SLC4A1: variants seen among roughly 807,000 people sequenced by gnomAD.
The protein encoded by SLC4A1 is band 3 anion transport protein.
Under a neutral mutation model 93.1 loss-of-function variants are expected in SLC4A1, and 29 were observed. That is an observed-to-expected ratio of 0.31 (90% CI 0.23 to 0.42). The LOEUF (loss-of-function observed/expected upper bound fraction) is 0.42. Among genes scored for constraint, SLC4A1 ranks in the 20% least tolerant of loss-of-function variants. The probability of loss-of-function intolerance (pLI) is 1.00; values close to 1 mark genes in which losing one functional copy is unlikely to be tolerated. For synonymous variants in SLC4A1, 469 were observed against 497.2 expected (o/e 0.94, Z 0.76); for missense variants, 965 against 1,190.1 (o/e 0.81, Z 2.78).
chr17:44,259,705 T>C (rs2047424588), intron 7 of SLC4A1, 104 bp downstream of exon 7: 19 of 1,572,768 alleles, frequency 1.2e-5, no homozygotes, highest in Non-Finnish European at 1.7e-5. Context: ...GGAGTGCTTC[T>C]GGTCCCCTGC....
chr17:44,265,050 C>G (rs2047484219), intron 1 of SLC4A1, among the ~76,000 whole-genome samples: 2 of 63,044 alleles, frequency 3.2e-5, no homozygotes, highest in Non-Finnish European at 2.9e-5. Context: ...GGAGGGGGTG[C>G]CGAGCACTGG....
chr17:44,258,064 T>C lies in SLC4A1; in HGVS notation c.1204A>G (p.Ser402Gly), dbSNP rs781401079. ...ATGACGGCAGCCAGGACCTGGGGGC[T>C]GAATGCATCTGTGATGTCACTCAGG... ...YYLSDITDAF[S>G]PQVLAAVIFI... Residue 402 changes from serine (S) to glycine (G), a missense_variant, in exon 11 of 20, where the codon AGC becomes GGC. Physicochemically the swap from Ser to Gly is moderately conservative, Grantham distance 56. Coordinates refer to ENST00000262418, the MANE Select transcript of SLC4A1 (RefSeq NM_000342.4). This position sits in a 1 kb window ranked among gnomAD's most constrained non-coding sequence, Gnocchi z 6.1. 1.7e-4 allele frequency: 274 copies of C among 1,613,946 alleles called. No homozygotes were observed. Among genetic ancestry groups the C allele is most frequent in the Non-Finnish European group, 2.2e-4 (256 of 1,180,032 alleles).
Position 44,259,338 on chromosome 17 carries a change from G to T in SLC4A1, c.701C>A (p.Ala234Asp). ...SEATLVLVGR[A>D]DFLEQPVLGF... ...CAGCACCGGCTGCTCCAGGAAGTCG[G>T]CGCGGCCTGTTAGGGGATGAGAAGA... Residue 234 changes from alanine (A) to aspartate (D), a missense_variant, in exon 9 of 20, where the codon GCC becomes GAC. This residue lies in a region of SLC4A1 where 770 missense variants were observed against 1,006.6 expected (regional missense o/e 0.76). Coordinates refer to ENST00000262418, the MANE Select transcript of SLC4A1 (RefSeq NM_000342.4). The T allele has an allele frequency of 6.2e-7, 1 of 1,613,588 alleles. No individual in the cohort carries two copies. The highest frequency in any genetic ancestry group is 8.5e-7 in the Non-Finnish European group (1 of 1,179,894).
At chr17:44,260,330 G>A in intron 6 of SLC4A1, 74 bp downstream of exon 6, 1 of 1,557,032 alleles carries the variant, frequency 6.4e-7, no homozygotes, top group Non-Finnish European at 8.7e-7. Context: ...GATCCCGGGG[G>A]AGAACTTGGG....
At chr17:44,256,198 T>TCATC (rs1219979414) in intron 13 of SLC4A1, among the ~76,000 whole-genome samples, 6 of 152,078 alleles carry the variant, frequency 3.9e-5, no homozygotes, top group Admixed American at 1.3e-4. Flanking sequence ...ATCCATCTAT[T>TCATC]CATCCATCCA....
At chr17:44,251,022 G>T (rs2047333630) in intron 19 of SLC4A1, 137 bp downstream of exon 19, 5 of 939,410 alleles carry the variant, frequency 5.3e-6, no homozygotes, top group Admixed American at 2.0e-5. Flanking sequence ...TCATATGCTA[G>T]GACACAGCAG....
Position 44,259,879 on chromosome 17 carries a change from C to T in SLC4A1, c.539G>A (p.Arg180His), listed in dbSNP as rs147390654. ...LGGVKPAVLTRSGDPSQPLLP... is the reference protein window; with the variant it reads ...LGGVKPAVLTHSGDPSQPLLP... ...CAGAGGCTGTGAAGGATCCCCAGAG[C>T]GTGTCAGGACTGCAGGCTTCACACC... Residue 180 changes from arginine to histidine, a missense_variant, in exon 7 of 20, where the codon CGC (arginine) becomes CAC (histidine). By Grantham distance (29) the Arg-to-His change is conservative (BLOSUM62 0). Around this residue, in one of 2 missense-constraint regions of SLC4A1, gnomAD observed 770 missense variants for 1,006.6 expected, o/e 0.76. Coordinates refer to ENST00000262418, the MANE Select transcript of SLC4A1 (RefSeq NM_000342.4). 4.6e-3 allele frequency: 7,442 copies of T among 1,614,046 alleles called. 28 individuals carry two copies. The highest frequency in any genetic ancestry group is 5.4e-3 in the Non-Finnish European group (6,391 of 1,180,000).
At position 44,249,162 on chromosome 17, in the gene SLC4A1, A is replaced by AC. The variant is rs1313950291; in HGVS notation, c.*1295dup. On this transcript the variant is annotated 3_prime_UTR_variant, in exon 20 of 20. Coordinates refer to ENST00000262418, the MANE Select transcript of SLC4A1 (RefSeq NM_000342.4). The stretch of plus-strand genomic sequence containing the variant: ...CAAACGTGAGCCACTGCGCCCAGCC[A>AC]CCTCCTCTCTTTTCTACCACTTCCT... 2.2e-6 allele frequency: 1 copy of AC among 453,932 alleles called. No individual in the cohort carries two copies. Among genetic ancestry groups the AC allele is most frequent in the Non-Finnish European group, 4.4e-6 (1 of 226,036 alleles). The allele number at this position is 453,932 out of a possible 1,614,324, so 28.1% of individuals were successfully genotyped here.
At chr17:44,260,610 G>A in intron 5 of SLC4A1, 25 bp downstream of exon 5, 1 of 1,614,130 alleles carries the variant, frequency 6.2e-7, no homozygotes, top group Non-Finnish European at 8.5e-7. Flanking sequence ...TCTGCAGGGG[G>A]TCCAGAAGGG....
rs1202141330 is a variant in SLC4A1 at position 44,258,547 on chromosome 17, C to T, written c.953G>A (p.Ser318Asn). 12 of 1,613,636 alleles carry T rather than the reference C, an allele frequency of 7.4e-6. No homozygotes were observed. The highest frequency in any genetic ancestry group is 1.0e-5 in the Non-Finnish European group (12 of 1,179,902). Residue 318 changes from serine (S) to asparagine (N), a missense_variant, in exon 10 of 20, where the codon AGC becomes AAC. This residue lies in a region of SLC4A1 where 770 missense variants were observed against 1,006.6 expected (regional missense o/e 0.76). Coordinates refer to ENST00000262418, the MANE Select transcript of SLC4A1 (RefSeq NM_000342.4). This position sits in a 1 kb window ranked among gnomAD's most constrained non-coding sequence, Gnocchi z 6.1. ...GGCATCGGTGGGAGGCAGCACTAGG[C>T]TGCAGTCCAGGAAGCCCTCTAGGGA... ...LHSLEGFLDCSLVLPPTDAPS... is the reference protein window; with the variant it reads ...LHSLEGFLDCNLVLPPTDAPS...
chr17:44,265,694 C>T (rs755475657), intron 1 of SLC4A1, among the ~76,000 whole-genome samples: 35 of 152,254 alleles, frequency 2.3e-4, no homozygotes, highest in Admixed American at 5.9e-4. Context: ...ATGTGAAGGG[C>T]TGGGAGTCCA....
At chr17:44,254,467 C>G (rs780674939) in intron 16 of SLC4A1, 29 bp downstream of exon 16, 37 of 1,483,494 alleles carry the variant, frequency 2.5e-5, no homozygotes, top group Non-Finnish European at 3.4e-5. Flanking sequence ...TCCCACCCTC[C>G]CAGGCCCAGC....
In SLC4A1 at chr17:44,262,650, A is replaced by G. The variant is rs55773290; in HGVS notation, c.92T>C (p.Met31Thr). 143 of 1,612,710 alleles carry G rather than the reference A, an allele frequency of 8.9e-5. No individual in the cohort carries two copies. In the East Asian group the frequency reaches 2.7e-3, roughly 30 times the overall value. Residue 31 changes from methionine (M) to threonine (T), a missense_variant, in exon 3 of 20, where the codon ATG (methionine) becomes ACG (threonine). By Grantham distance (81) the Met-to-Thr change is moderately conservative. Coordinates refer to ENST00000262418, the MANE Select transcript of SLC4A1 (RefSeq NM_000342.4). Reference sequence around the variant, plus strand: ...GAGGGGCTCACCTGCCGGCTCCTCCATCTGGGACTCGGGGATGTCTGGGTC... The same window carrying G: ...GAGGGGCTCACCTGCCGGCTCCTCCGTCTGGGACTCGGGGATGTCTGGGTC... ...YEDPDIPESQMEEPAAHDTEA... is the reference protein window; with the variant it reads ...YEDPDIPESQTEEPAAHDTEA...
Position 44,249,473 on chromosome 17 carries a change from C to T in SLC4A1, c.*985G>A. ...CCTCACTCTCCCGCCCCTACCTTCC[C>T]ACCCTCCCCCACTCCCTATCCAAAT... On this transcript the variant is annotated 3_prime_UTR_variant, in exon 20 of 20. Transcript: ENST00000262418. The T allele has an allele frequency of 4.0e-6, 1 of 251,044 alleles. No individual in the cohort carries two copies. Among genetic ancestry groups the T allele is most frequent in the Non-Finnish European group, 7.8e-6 (1 of 127,918 alleles). The allele number at this position is 251,044 out of a possible 1,614,324, so 15.6% of individuals were successfully genotyped here. A position where few individuals can be genotyped will look rare whatever the true frequency, so the allele number is the denominator to read the frequency against.
intron 1 of SLC4A1, among the ~76,000 whole-genome samples, chr17:44,264,880 G>A (rs967943606): frequency 7.2e-5 from 11 of 151,908 alleles, no homozygotes; most frequent in African/African-American, 1.7e-4. Context: ...TTCCCTCCTC[G>A]CCCACTACAG....
At chr17:44,260,883 C>T in intron 4 of SLC4A1, 68 bp from the exon 5 acceptor site, 1 of 1,549,200 alleles carries the variant, frequency 6.5e-7, no homozygotes, top group Non-Finnish European at 8.8e-7. Context: ...CTCAGCCACT[C>T]TCGAGAGAGG....
In SLC4A1 at chr17:44,264,047, G is replaced by A. The variant is rs145109565; in HGVS notation, c.-68-1113C>T. Among the ~76,000 whole-genome samples the A allele has an allele frequency of 2.4e-3, 367 of 152,140 alleles. 1 individual carries two copies. The highest frequency in any genetic ancestry group is 4.1e-3 in the Non-Finnish European group (279 of 68,004). On this transcript the variant is annotated intron_variant, in intron 1 of 19. Transcript: ENST00000262418. ...AGAGCGGGTCTCCCTCTGTTATCCA[G>A]GCTAGAATGCAGTGGCATGATTACA...
At position 44,255,662 on chromosome 17, in the gene SLC4A1, G is replaced by C; in HGVS notation, c.1800+11C>G. 1 of 1,612,988 alleles carries C rather than the reference G, an allele frequency of 6.2e-7. No individual in the cohort carries two copies. The highest frequency in any genetic ancestry group is 8.5e-7 in the Non-Finnish European group (1 of 1,179,502). Reference sequence around the variant, plus strand: ...AGTGTTGGCAAGGACAGGCGAGGAGGGTATGCTGACCTTGCCAGGGAAATA... The same window carrying C: ...AGTGTTGGCAAGGACAGGCGAGGAGCGTATGCTGACCTTGCCAGGGAAATA... On this transcript the variant is annotated intron_variant, in intron 14 of 19. Coordinates refer to ENST00000262418, the MANE Select transcript of SLC4A1 (RefSeq NM_000342.4).
chr17:44,255,899 G>A, intron 13 of SLC4A1, 53 bp from the exon 14 acceptor site: 2 of 1,559,914 alleles, frequency 1.3e-6, no homozygotes, highest in African/African-American at 2.7e-5. Flanking sequence ...GCTTGGGCTG[G>A]AAAATACCAC....
Sources: gnomAD v4.1 joint callset for allele counts (sites outside exome capture counted in the v4.1 genomes callset) on GRCh38, gnomAD v4.1.1 for gene constraint, gnomAD v4.1.1 regional missense constraint, Gnocchi (gnomAD v3.1) non-coding constraint, MANE v1.5 for transcripts, NCBI Gene and HGNC (gene_info 2026-07-23, HGNC 2026-07-21) for gene names.